The following STPG2 variants were observed in gnomAD, a reference collection of about 807,000 sequenced individuals.
STPG2 encodes sperm tail PG-rich repeat containing 2, also known as sperm-tail PG-rich repeat-containing protein 2.
STPG2 carries 56 observed loss-of-function variants against 54.2 expected under a neutral mutation model. The observed-to-expected ratio is 1.03, with a 90% CI of 0.83 to 1.29. STPG2 has a LOEUF of 1.29. STPG2 is among the 50% of genes most tolerant of loss of function. The probability of loss-of-function intolerance (pLI) is 0.00; values close to 1 mark genes in which losing one functional copy is unlikely to be tolerated. For missense variants in STPG2, 596 were observed against 544.9 expected, an observed-to-expected ratio of 1.09 and a Z score of -0.93; for synonymous variants, 200 against 181.8, an observed-to-expected ratio of 1.10 and a Z score of -0.81.
intron 10 of STPG2, among the ~76,000 whole-genome samples, chr4:97,656,513 C>T (rs547648671): frequency 2.6e-5 from 4 of 151,948 alleles, no homozygotes; most frequent in African/African-American, 9.6e-5. Flanking sequence ...GTCATTGTTG[C>T]TCAATATCAC....
intron 7 of STPG2, among the ~76,000 whole-genome samples, chr4:97,962,115 C>G (rs1733910438): frequency 2.0e-5 from 3 of 152,124 alleles, no homozygotes; most frequent in Admixed American, 2.0e-4. Context: ...GAATGGAAAA[C>G]CAAACATCTT....
At chr4:97,571,683 T>C (rs764397942) in intron 10 of STPG2, among the ~76,000 whole-genome samples, 7 of 152,156 alleles carry the variant, frequency 4.6e-5, no homozygotes, top group Non-Finnish European at 1.0e-4. Context: ...CAAACCAATG[T>C]ATTTCTTAAA....
intron 8 of STPG2, among the ~76,000 whole-genome samples, chr4:97,844,097 T>C (rs761319080): frequency 4.6e-5 from 7 of 151,822 alleles, no homozygotes; most frequent in Non-Finnish European, 1.0e-4. Context: ...GCATGAAACC[T>C]CCTAATTTCA....
intron 9 of STPG2, among the ~76,000 whole-genome samples, chr4:97,752,047 A>G (rs1725596064): frequency 6.6e-6 from 1 of 151,834 alleles, no homozygotes; most frequent in African/African-American, 2.4e-5. Flanking sequence ...TACATTTAGA[A>G]AAACTAAAAA....
intron 10 of STPG2, among the ~76,000 whole-genome samples, chr4:97,653,661 T>C (rs1414744139): frequency 6.6e-6 from 1 of 152,134 alleles, no homozygotes; most frequent in Non-Finnish European, 1.5e-5. Flanking sequence ...CTTTAAGCTA[T>C]GAAACTGACA....
intron 2 of STPG2, among the ~76,000 whole-genome samples, chr4:98,129,474 TAA>T (rs34481528): frequency 0.31 from 47,746 of 151,836 alleles, 7,641 homozygotes; most frequent in Middle Eastern, 0.35. Context: ...TGAATATAGC[TAA>T]GTTATGTGAA....
intron 5 of STPG2, among the ~76,000 whole-genome samples, chr4:98,022,125 C>A (rs1736227741): frequency 6.6e-6 from 1 of 152,114 alleles, no homozygotes; most frequent in Non-Finnish European, 1.5e-5. Flanking sequence ...ATGGTCTTTA[C>A]AATTTGGCAT....
chr4:97,687,800 G>A (rs1196884065), intron 10 of STPG2, among the ~76,000 whole-genome samples: 2 of 151,948 alleles, frequency 1.3e-5, no homozygotes, highest in African/African-American at 4.8e-5. Flanking sequence ...TAACATAAAA[G>A]GAAAAGAACC....
chr4:97,529,681 G>T (rs1731369425), intron 4 of STPG2, among the ~76,000 whole-genome samples: 1 of 152,080 alleles, frequency 6.6e-6, no homozygotes, highest in Non-Finnish European at 1.5e-5. Context: ...TCTATCCAGG[G>T]ATTCAACTTC....
intron 5 of STPG2, among the ~76,000 whole-genome samples, chr4:98,021,796 T>C (rs11938155): frequency 0.39 from 58,354 of 150,124 alleles, 11,412 homozygotes; most frequent in Middle Eastern, 0.46. Context: ...TCTTTTGATC[T>C]TTGTTGGTTT....
intron 4 of STPG2, among the ~76,000 whole-genome samples, chr4:97,489,557 C>T (rs1268278348): frequency 6.6e-6 from 1 of 151,510 alleles, no homozygotes; most frequent in African/African-American, 2.4e-5. Context: ...AATTGTCTCT[C>T]CTTCCCTCTT....
intron 1 of STPG2, among the ~76,000 whole-genome samples, chr4:98,135,937 T>C (rs1740122687): frequency 1.3e-5 from 2 of 151,368 alleles, no homozygotes; most frequent in African/African-American, 4.8e-5. Flanking sequence ...ACATATAAAA[T>C]GAATCATACA....
At chr4:97,509,408 C>T (rs933178970) in intron 4 of STPG2, among the ~76,000 whole-genome samples, 1 of 151,938 alleles carries the variant, frequency 6.6e-6, no homozygotes, top group Non-Finnish European at 1.5e-5. Flanking sequence ...ATTAGGTTCA[C>T]AAAAATCTTA....
intron 5 of STPG2, among the ~76,000 whole-genome samples, chr4:98,013,284 C>A (rs1331691494): frequency 6.6e-6 from 1 of 152,196 alleles, no homozygotes; most frequent in Non-Finnish European, 1.5e-5. Context: ...AGCAGCCTTG[C>A]ATCCCAGGGA....
intron 10 of STPG2, among the ~76,000 whole-genome samples, chr4:97,645,757 G>A (rs145335162): frequency 9.5e-4 from 145 of 152,210 alleles, no homozygotes; most frequent in African/African-American, 2.9e-3. Context: ...GGCTTCTGCA[G>A]TAGTTAAATT....
At chr4:97,556,564 A>T (rs1732083059), downstream of STPG2, among the ~76,000 whole-genome samples, 1 of 152,138 alleles carries the variant, frequency 6.6e-6, no homozygotes, top group Non-Finnish European at 1.5e-5. Context: ...AACATCACAC[A>T]CCTGAATTCA....
At chr4:98,140,454 A>T (rs1740249903) in intron 1 of STPG2, among the ~76,000 whole-genome samples, 1 of 152,194 alleles carries the variant, frequency 6.6e-6, no homozygotes, top group African/African-American at 2.4e-5. Flanking sequence ...GTAATATTTT[A>T]TATGTTTAAT....
intron 9 of STPG2, among the ~76,000 whole-genome samples, chr4:97,762,925 C>T (rs771587732): frequency 2.6e-5 from 4 of 152,108 alleles, no homozygotes; most frequent in African/African-American, 4.8e-5. Flanking sequence ...TCTTCCCTAA[C>T]GTTCTTTCAA....
intron 4 of STPG2, among the ~76,000 whole-genome samples, chr4:97,494,813 C>T (rs960840000): frequency 2.0e-5 from 3 of 151,392 alleles, no homozygotes; most frequent in Non-Finnish European, 4.4e-5. Flanking sequence ...TTTCATTCCA[C>T]AAGCTTTTAC....
Sources: gnomAD v4.1 joint callset for allele counts (sites outside exome capture counted in the v4.1 genomes callset) on GRCh38, gnomAD v4.1.1 for gene constraint, MANE v1.5 for transcripts, NCBI Gene and HGNC (gene_info 2026-07-23, HGNC 2026-07-21) for gene names.